Variants in CHM observed in about 807,000 individuals in gnomAD.
CHM encodes the protein CHM Rab escort protein.
In CHM, 10 loss-of-function variants were observed where a neutral mutation model predicts 49.0. The observed-to-expected ratio is 0.20, with a 90% confidence interval of 0.13 to 0.35. The LOEUF is 0.35. Among genes scored for constraint, CHM ranks in the 10% least tolerant of loss-of-function variants. The pLI, the probability that CHM is intolerant of heterozygous loss-of-function variation, is 1.00. For missense variants in CHM, 455 were observed against 478.4 expected, an observed-to-expected ratio of 0.95 and a Z score of 0.46; for synonymous variants, 184 against 167.5, an observed-to-expected ratio of 1.10 and a Z score of -0.76.
At chrX:85,998,428 T>G (rs1480135910) in intron 2 of CHM, among the ~76,000 whole-genome samples, 1 of 111,987 alleles carries the variant, frequency 8.9e-6, no homozygotes, top group Non-Finnish European at 1.9e-5. Flanking sequence ...ATTTTTCATT[T>G]TTCATGTATA....
chrX:86,008,815 C>T (rs1038610979), intron 2 of CHM, among the ~76,000 whole-genome samples: 10 of 111,905 alleles, frequency 8.9e-5, no homozygotes, highest in African/African-American at 1.3e-4. Flanking sequence ...GTCTGTTTTC[C>T]GAAAAACTTT....
At chrX:85,872,467 A>G (rs186755198) in intron 14 of CHM, among the ~76,000 whole-genome samples, 166 of 111,863 alleles carry the variant, frequency 1.5e-3, no homozygotes, top group Non-Finnish European at 2.8e-3. Flanking sequence ...TGGCTATCAC[A>G]AACTTCCACC....
chrX:85,875,396 A>G (rs1294901475), intron 13 of CHM, among the ~76,000 whole-genome samples: 3 of 111,910 alleles, frequency 2.7e-5, no homozygotes, highest in Non-Finnish European at 5.7e-5. Flanking sequence ...TCAACTTGAT[A>G]GTAAGAAGGA....
chrX:85,907,618 AT>A (rs1176699598), intron 9 of CHM, among the ~76,000 whole-genome samples: 3 of 112,195 alleles, frequency 2.7e-5, no homozygotes, highest in African/African-American at 9.7e-5. Context: ...ATAGGTATGC[AT>A]TTGGTTACAT....
chrX:85,994,837 A>G (rs952486671), intron 2 of CHM, among the ~76,000 whole-genome samples: 2 of 112,032 alleles, frequency 1.8e-5, no homozygotes, highest in Non-Finnish European at 3.8e-5. Context: ...TTTATTTTTG[A>G]AAGAGGAAGG....
intron 2 of CHM, among the ~76,000 whole-genome samples, chrX:85,983,540 A>T (rs1170334027): frequency 1.8e-5 from 2 of 111,603 alleles, no homozygotes; most frequent in Non-Finnish European, 3.8e-5. Flanking sequence ...AATACTCAAC[A>T]AAACTAGAAA....
At chrX:86,023,686 A>G (rs1164324717) in intron 2 of CHM, among the ~76,000 whole-genome samples, 2 of 111,805 alleles carry the variant, frequency 1.8e-5, no homozygotes, top group East Asian at 5.6e-4. Flanking sequence ...TAAAAACTTG[A>G]TGACACTAAA....
chrX:85,904,283 C>T lies in CHM; in HGVS notation c.1245-3095G>A, dbSNP rs112662074. On this transcript the variant is annotated intron_variant, in intron 9 of 14. Coordinates refer to ENST00000357749, the MANE Select transcript of CHM (RefSeq NM_000390.4). ...GGAACGTAACAGGTGTCTCCAGTTACAGGGACACAATGACCAAGCTGACCA... is the reference window on the plus strand; with the variant it reads ...GGAACGTAACAGGTGTCTCCAGTTATAGGGACACAATGACCAAGCTGACCA... 2.8e-3 allele frequency among the ~76,000 whole-genome samples: 315 copies of T among 111,200 alleles called. 2 individuals carry two copies. The Middle Eastern group carries it at 0.042, about 15-fold the overall frequency.
At chrX:85,983,499 A>G (rs746060712) in intron 2 of CHM, among the ~76,000 whole-genome samples, 121 of 111,434 alleles carry the variant, frequency 1.1e-3, no homozygotes, top group Non-Finnish European at 2.0e-3. Flanking sequence ...GAAGAATACA[A>G]TTCTGCTATC....
At chrX:86,022,759 G>A (rs766550174) in intron 2 of CHM, among the ~76,000 whole-genome samples, 1 of 110,970 alleles carries the variant, frequency 9.0e-6, no homozygotes, top group African/African-American at 3.3e-5. Flanking sequence ...ACATCCCTAG[G>A]TGAATGGATC....
chrX:85,884,281 A>G (rs1371771025), intron 12 of CHM, among the ~76,000 whole-genome samples: 4 of 111,300 alleles, frequency 3.6e-5, no homozygotes, highest in African/African-American at 1.3e-4. Flanking sequence ...AAAAGATGCA[A>G]TAACGATGCT....
At position 85,917,647 on chromosome X, in the gene CHM, C is replaced by T. The variant is rs184303065; in HGVS notation, c.1167-6309G>A. 1.7e-3 allele frequency among the ~76,000 whole-genome samples: 183 copies of T among 110,170 alleles called. 1 individual carries two copies. The highest frequency in any genetic ancestry group is 5.2e-3 in the African/African-American group (156 of 30,263). ...AATGAGATAGAGGAGAAGGTTGAAA[C>T]GCATCCAAGTAAAGCAGTAAAATGA... On this transcript the variant is annotated intron_variant, in intron 8 of 14. Coordinates refer to ENST00000357749, the MANE Select transcript of CHM (RefSeq NM_000390.4).
intron 13 of CHM, among the ~76,000 whole-genome samples, chrX:85,875,003 T>C (rs893160614): frequency 2.7e-5 from 3 of 111,615 alleles, no homozygotes; most frequent in African/African-American, 9.8e-5. Context: ...GCTTATCTTG[T>C]ATCTCATTAA....
chrX:85,922,836 G>T (rs1203483738), intron 8 of CHM, among the ~76,000 whole-genome samples: 1 of 111,591 alleles, frequency 9.0e-6, no homozygotes, highest in African/African-American at 3.3e-5. Flanking sequence ...TTATCTATAA[G>T]GTTTTACTCT....
chrX:85,959,048 T>A (rs1226974843), intron 5 of CHM, 71 bp from the exon 6 acceptor site: 1 of 1,117,580 alleles, frequency 8.9e-7, no homozygotes, highest in African/African-American at 1.8e-5. Context: ...TAAAGATACA[T>A]AATTTTGCTA....
chrX:86,015,178 T>G (rs1569251940), intron 2 of CHM, among the ~76,000 whole-genome samples: 1 of 111,041 alleles, frequency 9.0e-6, no homozygotes, highest in East Asian at 2.8e-4. Context: ...AGGGACCCGG[T>G]GGGAGGTAAC....
At chrX:85,878,414 A>T (rs1324096083) in intron 13 of CHM, among the ~76,000 whole-genome samples, 1 of 108,768 alleles carries the variant, frequency 9.2e-6, no homozygotes, top group African/African-American at 3.4e-5. Context: ...TGGGAGGTGG[A>T]GGCTGCAGTG....
intron 5 of CHM, among the ~76,000 whole-genome samples, chrX:85,959,700 T>C (rs1357268468): frequency 9.0e-6 from 1 of 111,599 alleles, no homozygotes; most frequent in African/African-American, 3.3e-5. Flanking sequence ...AGAGATAAAA[T>C]CAATAATGTA....
intron 8 of CHM, among the ~76,000 whole-genome samples, chrX:85,913,332 A>AAAAAAAAAAAAG (rs762266365): frequency 8.5e-5 from 2 of 23,410 alleles, no homozygotes; most frequent in African/African-American, 1.4e-4. Context: ...AAAAAAAAAA[A>AAAAAAAAAAAAG]AAAGAAAGAA....
Sources: allele counts gnomAD v4.1 joint callset (sites outside exome capture counted in the v4.1 genomes callset), GRCh38; gene constraint gnomAD v4.1.1; transcripts MANE v1.5; gene names NCBI Gene and HGNC (gene_info 2026-07-23, HGNC 2026-07-21).